SETBP1: variants seen among roughly 807,000 people sequenced by gnomAD.
SETBP1 encodes the protein SET binding protein 1.
In SETBP1, 9 loss-of-function variants were observed where a neutral mutation model predicts 101.0. That is an observed-to-expected ratio of 0.09 (90% confidence interval 0.05 to 0.16). The LOEUF (loss-of-function observed/expected upper bound fraction) is 0.16. Ranked by LOEUF, SETBP1 falls within the 10% of genes least tolerant of loss-of-function variation. The probability of loss-of-function intolerance (pLI) is 1.00; values close to 1 mark genes in which losing one functional copy is unlikely to be tolerated. For missense variants in SETBP1, 1,858 were observed against 2,033.8 expected (o/e 0.91, Z 1.66); for synonymous variants, 818 against 788.5 (o/e 1.04, Z -0.63).
At chr18:44,777,460 T>C (rs946948850) in intron 2 of SETBP1, among the ~76,000 whole-genome samples, 2 of 152,182 alleles carry the variant, frequency 1.3e-5, no homozygotes, top group Non-Finnish European at 2.9e-5. Context: ...GTCACAGTTA[T>C]GCATGCTCCT....
chr18:45,062,214 G>A (rs2073901408), intron 5 of SETBP1, among the ~76,000 whole-genome samples: 1 of 152,220 alleles, frequency 6.6e-6, no homozygotes, highest in Non-Finnish European at 1.5e-5. Flanking sequence ...GACTTCCTGA[G>A]ACAAGAAGTT....
intron 2 of SETBP1, among the ~76,000 whole-genome samples, chr18:44,733,751 G>A (rs1315517788): frequency 6.6e-6 from 1 of 152,230 alleles, no homozygotes; most frequent in Non-Finnish European, 1.5e-5. Context: ...CGGTGTCCCT[G>A]AGAAATTTTA....
chr18:44,803,366 A>G (rs1397361110), intron 2 of SETBP1, among the ~76,000 whole-genome samples: 1 of 152,136 alleles, frequency 6.6e-6, no homozygotes, highest in Non-Finnish European at 1.5e-5. Context: ...AGCTGCCCTA[A>G]TGGAACACTA....
intron 3 of SETBP1, among the ~76,000 whole-genome samples, chr18:44,879,136 ATCTT>A (rs2069474712): frequency 6.6e-6 from 1 of 152,226 alleles, no homozygotes; most frequent in Non-Finnish European, 1.5e-5. Context: ...TGTTGTTGTA[ATCTT>A]TACAGCTATA....
chr18:44,787,665 T>C, intron 2 of SETBP1, among the ~76,000 whole-genome samples: 1 of 147,396 alleles, frequency 6.8e-6, no homozygotes. Flanking sequence ...CCATCCTGGC[T>C]AACAAGGTGA....
intron 2 of SETBP1, among the ~76,000 whole-genome samples, chr18:44,837,461 C>T (rs1025556299): frequency 3.9e-5 from 6 of 152,150 alleles, no homozygotes; most frequent in Admixed American, 1.3e-4. Flanking sequence ...TTAATGAAAT[C>T]GTTTTTATTT....
At chr18:44,825,200 T>C (rs942719122) in intron 2 of SETBP1, among the ~76,000 whole-genome samples, 1 of 152,162 alleles carries the variant, frequency 6.6e-6, no homozygotes, top group Admixed American at 6.5e-5. Context: ...ATTTCAGAGG[T>C]TTACAAGTGT....
chr18:45,035,703 T>C (rs1427922178), intron 4 of SETBP1, among the ~76,000 whole-genome samples: 2 of 152,204 alleles, frequency 1.3e-5, no homozygotes, highest in Non-Finnish European at 2.9e-5. Flanking sequence ...TGTCCACAGG[T>C]ATAAAGATGA....
intron 3 of SETBP1, among the ~76,000 whole-genome samples, chr18:44,891,441 A>C (rs694808): frequency 0.54 from 81,859 of 151,978 alleles, 22,109 homozygotes; most frequent in Non-Finnish European, 0.55. Flanking sequence ...TGCAGTGCTT[A>C]GATTTTACCT....
chr18:44,720,036 C>T (rs866449314), intron 2 of SETBP1, among the ~76,000 whole-genome samples: 7 of 152,238 alleles, frequency 4.6e-5, no homozygotes, highest in African/African-American at 9.6e-5. Flanking sequence ...GAGGGTGGCG[C>T]GCATTGGTTT....
chr18:44,734,813 A>T, intron 2 of SETBP1, among the ~76,000 whole-genome samples: 1 of 152,196 alleles, frequency 6.6e-6, no homozygotes, highest in East Asian at 1.9e-4. Flanking sequence ...TTATTTTATT[A>T]CATTTTATGT....
intron 2 of SETBP1, among the ~76,000 whole-genome samples, chr18:44,739,999 C>T (rs568042148): frequency 1.3e-5 from 2 of 152,176 alleles, no homozygotes; most frequent in African/African-American, 2.4e-5. Context: ...AGGATGAGAT[C>T]GTCTTGTTTA....
intron 3 of SETBP1, among the ~76,000 whole-genome samples, chr18:44,878,234 G>A (rs1350217255): frequency 1.3e-5 from 2 of 152,188 alleles, no homozygotes; most frequent in South Asian, 4.1e-4. Context: ...TTAGCAACGA[G>A]GGAGTAGGAG....
At chr18:44,747,152 T>C (rs1365143618) in intron 2 of SETBP1, among the ~76,000 whole-genome samples, 1 of 152,242 alleles carries the variant, frequency 6.6e-6, no homozygotes, top group Non-Finnish European at 1.5e-5. Flanking sequence ...CTGAGGCTTC[T>C]ACAGGTGATG....
At position 44,793,790 on chromosome 18, in the gene SETBP1, A is replaced by G. The variant is rs2071413700; in HGVS notation, c.487-75440A>G. Among the ~76,000 whole-genome samples, 3 of 152,298 alleles carry G rather than the reference A, an allele frequency of 2.0e-5. No individual in the cohort carries two copies. The South Asian group carries it at 6.2e-4, about 32-fold the overall frequency. ...TTGAACTGCTATCCAGAACTCTTTT[A>G]ATTATCCAATTAGGAAGATGTTTAG... On this transcript the variant is annotated intron_variant, in intron 2 of 5. Transcript: ENST00000649279.
intron 2 of SETBP1, among the ~76,000 whole-genome samples, chr18:44,809,370 A>C (rs1180615983): frequency 1.3e-5 from 2 of 152,252 alleles, no homozygotes; most frequent in Non-Finnish European, 2.9e-5. Context: ...AAGAAATTCA[A>C]AACAAGAAAT....
At chr18:44,686,612 G>C (rs536458450) in intron 1 of SETBP1, among the ~76,000 whole-genome samples, 4 of 152,196 alleles carry the variant, frequency 2.6e-5, no homozygotes, top group African/African-American at 9.6e-5. Flanking sequence ...CCTTATTTAT[G>C]AATGATTTTT....
chr18:44,774,145 G>A (rs2070941547), intron 2 of SETBP1, among the ~76,000 whole-genome samples: 1 of 152,154 alleles, frequency 6.6e-6, no homozygotes. Flanking sequence ...ACTATGAGCT[G>A]ACCCTGTGAC....
At chr18:45,037,937 T>A (rs1487949762) in intron 4 of SETBP1, among the ~76,000 whole-genome samples, 1 of 152,172 alleles carries the variant, frequency 6.6e-6, no homozygotes, top group African/African-American at 2.4e-5. Flanking sequence ...CCTTCATCCT[T>A]GAAGCTTCAG....
Sources: allele counts gnomAD v4.1 joint callset (sites outside exome capture counted in the v4.1 genomes callset), GRCh38; gene constraint gnomAD v4.1.1; transcripts MANE v1.5; gene names NCBI Gene and HGNC (gene_info 2026-07-23, HGNC 2026-07-21).